KIF26B: variants seen among roughly 807,000 people sequenced by gnomAD.
KIF26B encodes kinesin family member 26B.
KIF26B carries 63 observed loss-of-function variants against 151.2 expected under a neutral mutation model. The observed-to-expected ratio is 0.42, with a 90% CI of 0.34 to 0.51. The LOEUF is 0.51. Ranked by LOEUF, KIF26B falls within the 20% of genes least tolerant of loss-of-function variation. KIF26B has a pLI of 0.07. For missense variants in KIF26B, 2,813 were observed against 2,913.6 expected, an observed-to-expected ratio of 0.97 and a Z score of 0.79; for synonymous variants, 1,357 against 1,262.1, an observed-to-expected ratio of 1.08 and a Z score of -1.59.
chr1:245,279,550 C>G (rs1671001023), intron 2 of KIF26B, among the ~76,000 whole-genome samples: 1 of 151,978 alleles, frequency 6.6e-6, no homozygotes, highest in African/African-American at 2.4e-5. Flanking sequence ...CTCAAGTGAT[C>G]CTCCCACCTC....
rs566075236 is a variant in KIF26B at position 245,556,458 on chromosome 1, G to A, written c.1350+15508G>A. ...GTCACCCAGGCTGGAGTGGAGTGGC[G>A]TGAACGAACACAGCTCACTGCAGGC... On this transcript the variant is annotated intron_variant, in intron 5 of 14. Coordinates refer to ENST00000407071, the MANE Select transcript of KIF26B (RefSeq NM_018012.4). 4.6e-5 allele frequency among the ~76,000 whole-genome samples: 7 copies of A among 152,044 alleles called. No individual in the cohort carries two copies. The East Asian group carries it at 5.8e-4, about 13-fold the overall frequency.
At chr1:245,411,392 G>C (rs998079214) in intron 3 of KIF26B, among the ~76,000 whole-genome samples, 1 of 152,234 alleles carries the variant, frequency 6.6e-6, no homozygotes, top group African/African-American at 2.4e-5. Flanking sequence ...GCCTGATCCA[G>C]AGGAGACACT....
intron 4 of KIF26B, chr1:245,510,973 C>A: frequency 1.5e-6 from 1 of 649,252 alleles, no homozygotes; most frequent in South Asian, 1.8e-5. Context: ...CCAGCCTTTC[C>A]TCCTTCACCT....
intron 3 of KIF26B, among the ~76,000 whole-genome samples, chr1:245,412,069 GA>G (rs1471905718): frequency 2.0e-5 from 3 of 152,174 alleles, no homozygotes; most frequent in African/African-American, 4.8e-5. Context: ...CATATTCTAA[GA>G]GCATAACGGC....
At chr1:245,221,059 G>A (rs1558350610) in intron 2 of KIF26B, among the ~76,000 whole-genome samples, 2 of 152,138 alleles carry the variant, frequency 1.3e-5, no homozygotes, top group Admixed American at 6.5e-5. Flanking sequence ...GTCAGAGGAG[G>A]CACATGGTGT....
chr1:245,458,110 A>G (rs973042079), intron 4 of KIF26B, among the ~76,000 whole-genome samples: 2 of 152,156 alleles, frequency 1.3e-5, no homozygotes, highest in Admixed American at 1.3e-4. Flanking sequence ...CACACATTTG[A>G]TCCTCAACTA....
At chr1:245,577,507 C>T (rs114374432) in intron 5 of KIF26B, among the ~76,000 whole-genome samples, 19 of 152,344 alleles carry the variant, frequency 1.2e-4, no homozygotes, top group Non-Finnish European at 2.4e-4. Flanking sequence ...GAGCCAACAG[C>T]ATGGAAGAGC....
intron 2 of KIF26B, among the ~76,000 whole-genome samples, chr1:245,312,165 C>T (rs1361310056): frequency 6.3e-5 from 6 of 95,776 alleles, no homozygotes; most frequent in Non-Finnish European, 1.2e-4. Flanking sequence ...CACTTCCTGG[C>T]CCCTTGCTTG....
intron 9 of KIF26B, among the ~76,000 whole-genome samples, chr1:245,644,838 A>C (rs1235511529): frequency 6.6e-6 from 1 of 152,198 alleles, no homozygotes; most frequent in Non-Finnish European, 1.5e-5. Flanking sequence ...GCATTGCTGT[A>C]AAAGACACCT....
chr1:245,540,964 C>CCGTCCCTGCCATTTGCCCAGTGTG lies in KIF26B; in HGVS notation c.1350+17_1350+40dup. The CCGTCCCTGCCATTTGCCCAGTGTG allele has an allele frequency of 6.3e-7, 1 of 1,595,372 alleles. No individual in the cohort carries two copies. The highest frequency in any genetic ancestry group is 8.6e-7 in the Non-Finnish European group (1 of 1,167,868). ...GGGCTGGGCAAGGTAGGACCATCCG[C>CCGTCCCTGCCATTTGCCCAGTGTG]CGTCCCTGCCATTTGCCCAGTGTGC... On this transcript the variant is annotated intron_variant, in intron 5 of 14. Coordinates refer to ENST00000407071, the MANE Select transcript of KIF26B (RefSeq NM_018012.4). The surrounding 1 kb of genome is among the most constrained non-coding windows in gnomAD (Gnocchi z 4.6).
intron 4 of KIF26B, among the ~76,000 whole-genome samples, chr1:245,470,521 C>G (rs1345836368): frequency 1.3e-5 from 2 of 152,124 alleles, no homozygotes; most frequent in African/African-American, 4.8e-5. Flanking sequence ...AGCTCCGCCT[C>G]CCGGGTTCAC....
intron 2 of KIF26B, among the ~76,000 whole-genome samples, chr1:245,231,429 T>C (rs1669995143): frequency 6.6e-6 from 1 of 152,048 alleles, no homozygotes; most frequent in Admixed American, 6.6e-5. Flanking sequence ...GGCAGGAGAA[T>C]CGCTTGATCC....
chr1:245,628,951 A>C (rs2043752286), intron 9 of KIF26B, among the ~76,000 whole-genome samples: 1 of 152,206 alleles, frequency 6.6e-6, no homozygotes, highest in African/African-American at 2.4e-5. Flanking sequence ...CCTATACACC[A>C]ACAACAGACA....
At chr1:245,662,431 A>G (rs1370929573) in intron 10 of KIF26B, among the ~76,000 whole-genome samples, 1 of 61,560 alleles carries the variant, frequency 1.6e-5, no homozygotes, top group Non-Finnish European at 3.0e-5. Context: ...ACATACACAT[A>G]CCCGATATAT....
At chr1:245,669,716 C>T (rs72764827) in intron 10 of KIF26B, among the ~76,000 whole-genome samples, 4 of 152,228 alleles carry the variant, frequency 2.6e-5, no homozygotes, top group South Asian at 2.1e-4. Context: ...AGTCCGTGTG[C>T]GTTGCTGGTG....
rs550202318 is a variant in KIF26B at position 245,328,357 on chromosome 1, A to T, written c.466-38477A>T. 2.6e-5 allele frequency among the ~76,000 whole-genome samples: 4 copies of T among 152,302 alleles called. 1 individual carries two copies. The South Asian group carries it at 8.3e-4, about 32-fold the overall frequency. On this transcript the variant is annotated intron_variant, in intron 2 of 14. Coordinates refer to ENST00000407071, the MANE Select transcript of KIF26B (RefSeq NM_018012.4). ...TCTATTTATTTATTCATACTCATAA[A>T]CATAGATCTCTAATATAGGCCAAGA...
chr1:245,370,838 C>T (rs1673099936), intron 3 of KIF26B: 1 of 361,514 alleles, frequency 2.8e-6, no homozygotes, highest in Admixed American at 3.4e-5. Context: ...AGAGAATTTA[C>T]TGTACAAGTA....
intron 4 of KIF26B, among the ~76,000 whole-genome samples, chr1:245,453,795 T>C (rs1257565674): frequency 6.6e-6 from 1 of 152,240 alleles, no homozygotes; most frequent in Non-Finnish European, 1.5e-5. Flanking sequence ...CCAAGGACTC[T>C]GGCAACAGTT....
At chr1:245,314,373 A>C (rs575648842) in intron 2 of KIF26B, among the ~76,000 whole-genome samples, 2 of 151,480 alleles carry the variant, frequency 1.3e-5, no homozygotes, top group Admixed American at 1.3e-4. Flanking sequence ...AATCGCTTGA[A>C]CCCCAGAGGG....
Sources: allele counts gnomAD v4.1 joint callset (sites outside exome capture counted in the v4.1 genomes callset), GRCh38; gene constraint gnomAD v4.1.1; non-coding constraint Gnocchi (gnomAD v3.1); transcripts MANE v1.5; gene names NCBI Gene and HGNC (gene_info 2026-07-23, HGNC 2026-07-21).